The following SON variants were observed in gnomAD, a reference collection of about 807,000 sequenced individuals.
SON encodes the protein protein SON.
SON carries 4 observed loss-of-function variants against 173.3 expected under a neutral mutation model. The observed-to-expected ratio is 0.02, with a 90% CI of 0.01 to 0.05. The LOEUF is 0.05. Ranked by LOEUF, SON falls within the 10% of genes least tolerant of loss-of-function variation. SON has a pLI of 1.00. For missense variants in SON, 2,626 were observed against 3,055.3 expected (o/e 0.86, Z 3.31); for synonymous variants, 1,190 against 1,105.9 (o/e 1.08, Z -1.51).
chr21:33,568,319 C>T (rs2086214483), intron 7 of SON, among the ~76,000 whole-genome samples: 1 of 152,176 alleles, frequency 6.6e-6, no homozygotes, highest in Non-Finnish European at 1.5e-5. Context: ...ATGGAGAAAC[C>T]CTGTCTCGAC....
rs2085878936 is a variant in SON at position 33,553,753 on chromosome 21, C to T, written c.4522C>T (p.His1508Tyr). The T allele has an allele frequency of 1.2e-6, 2 of 1,614,012 alleles. No homozygotes were observed. The highest frequency in any genetic ancestry group is 1.7e-5 in the Admixed American group (1 of 60,022). Reference sequence around the variant, plus strand: ...GATTGGCATGCAGGAGATTGCATTGCATTCAGGTGAAGAACCACATGCTGA... The same window carrying T: ...GATTGGCATGCAGGAGATTGCATTGTATTCAGGTGAAGAACCACATGCTGA... ...PEIGMQEIALHSGEEPHAEEH... is the reference protein window; with the variant it reads ...PEIGMQEIALYSGEEPHAEEH... Residue 1508 changes from histidine (H) to tyrosine (Y), a missense_variant, in exon 3 of 12, where the codon CAT (histidine) becomes TAT (tyrosine). Around this residue, in one of 13 missense-constraint regions of SON, gnomAD observed 1,006 missense variants for 895.6 expected, o/e 1.12. Coordinates refer to ENST00000356577, the MANE Select transcript of SON (RefSeq NM_138927.4).
chr21:33,554,052 A>C lies in SON; in HGVS notation c.4821A>C (p.Gly1607=). 2 of 1,614,128 alleles carry C rather than the reference A, an allele frequency of 1.2e-6. No homozygotes were observed. The highest frequency in any genetic ancestry group is 2.2e-5 in the South Asian group (2 of 91,074). ...TTGCTCTGGAACCTGATGCAACAGG[A>C]ACTAGTAAGGGTATTGAATTTACCA... is the stretch of plus-strand genomic sequence containing the variant. ...GPFALEPDAT[G]TSKGIEFTTA... Residue 1607 remains glycine (G), a synonymous_variant, in exon 3 of 12, where the codon GGA becomes GGC. Transcript: ENST00000356577.
intron 6 of SON, chr21:33,560,119 A>G: frequency 6.2e-7 from 1 of 1,612,156 alleles, no homozygotes; most frequent in Non-Finnish European, 8.5e-7. Context: ...ATAGCTCTAG[A>G]TTTTGGTGGT....
rs778562756 is a variant in SON at position 33,550,103 on chromosome 21, T to G, written c.872T>G (p.Leu291Trp). 6.2e-7 allele frequency: 1 copy of G among 1,614,184 alleles called. No homozygotes were observed. The highest frequency in any genetic ancestry group is 1.7e-5 in the Admixed American group (1 of 60,024). The change falls in exon 3 of 12, where the codon TTG becomes TGG. Residue 291 changes from leucine (L) to tryptophan (W), a missense_variant. Leu to Trp is a moderately conservative substitution (Grantham distance 61). Transcript: ENST00000356577. ...TCTCCAGAGCCATCAAAGATCATGT[T>G]GGTAGAGCCCCCAGTAGCAAAAGTG... ...STSPEPSKIM[L>W]VEPPVAKVLE...
intron 9 of SON, among the ~76,000 whole-genome samples, chr21:33,574,721 A>G (rs2086361303): frequency 6.6e-6 from 1 of 152,224 alleles, no homozygotes; most frequent in African/African-American, 2.4e-5. Context: ...TCTGGTCCCA[A>G]GCATTTTGGA....
In SON at chr21:33,550,434, A is replaced by G. The variant is rs1601259307; in HGVS notation, c.1203A>G (p.Pro401=). ...MPELQGPPVT[P]VLELPGPSAT... is the part of the protein sequence containing the mutation. Reference sequence around the variant, plus strand: ...AGTTGCAGGGGCCCCCTGTGACTCCAGTGCTGGAGTTACCTGGGCCCTCTG... The same window carrying G: ...AGTTGCAGGGGCCCCCTGTGACTCCGGTGCTGGAGTTACCTGGGCCCTCTG... Residue 401 remains proline (P), a synonymous_variant, in exon 3 of 12, where the codon CCA becomes CCG. Transcript: ENST00000356577. 1 of 1,613,936 alleles carries G rather than the reference A, an allele frequency of 6.2e-7. No homozygotes were observed. Among genetic ancestry groups the G allele is most frequent in the East Asian group, 2.2e-5 (1 of 44,860 alleles).
Position 33,554,602 on chromosome 21 carries a change from G to A in SON, c.5371G>A (p.Glu1791Lys), listed in dbSNP as rs762436583. Residue 1791 changes from glutamate (E) to lysine (K), a missense_variant, in exon 3 of 12, where the codon GAA (glutamate) becomes AAA (lysine). This residue lies in a region of SON where 1,006 missense variants were observed against 895.6 expected (regional missense o/e 1.12). Coordinates refer to ENST00000356577, the MANE Select transcript of SON (RefSeq NM_138927.4). ...ESSSEEKDDY[E>K]IFVKVKDTHE... ...TTCTTCAGAGGAAAAAGATGATTAT[G>A]AAATTTTTGTAAAAGTTAAGGACAC... 12 of 1,613,832 alleles carry A rather than the reference G, an allele frequency of 7.4e-6. No individual in the cohort carries two copies. Among genetic ancestry groups the A allele is most frequent in the Non-Finnish European group, 1.0e-5 (12 of 1,180,002 alleles).
Position 33,559,888 on chromosome 21 carries a change from A to G in SON, c.6657+113A>G, listed in dbSNP as rs773269847. On this transcript the variant is annotated intron_variant, in intron 6 of 11. Transcript: ENST00000356577. The surrounding 1 kb of genome is among the most constrained non-coding windows in gnomAD (Gnocchi z 4.1). ...TTCACTCTTCTTAGGGCCGGGTTAA[A>G]CGGCAGGGCCGGGTTAGACGACAGA... is the stretch of plus-strand genomic sequence containing the variant. 15 of 1,606,868 alleles carry G rather than the reference A, an allele frequency of 9.3e-6. No individual in the cohort carries two copies. The African/African-American group carries it at 2.0e-4, about 21-fold the overall frequency.
chr21:33,562,637 A>G (rs1267914290), intron 6 of SON, among the ~76,000 whole-genome samples: 2 of 152,242 alleles, frequency 1.3e-5, no homozygotes, highest in African/African-American at 4.8e-5. Context: ...CGGTACTGCC[A>G]TAGCATCGTC....
chr21:33,557,045 G>A lies in SON; in HGVS notation c.6161-111G>A, dbSNP rs375500326. ...TTTTTCTTTTTTGTTAGATACCCAA[G>A]TTCTTCGATGGATCTAGGATGCCTT... On this transcript the variant is annotated intron_variant, in intron 3 of 11. Transcript: ENST00000356577. The A allele has an allele frequency of 2.7e-4, 224 of 816,656 alleles. 2 individuals carry two copies. In the East Asian group the frequency reaches 5.4e-3, roughly 20 times the overall value. The allele number at this position is 816,656 out of a possible 1,614,324, so 50.6% of individuals were successfully genotyped here.
intron 1 of SON, chr21:33,543,507 A>C: frequency 3.4e-6 from 1 of 290,694 alleles, no homozygotes; most frequent in Non-Finnish European, 6.6e-6. Flanking sequence ...TTCCTTCCTC[A>C]GCTCCTCCTC....
intron 7 of SON, among the ~76,000 whole-genome samples, chr21:33,568,661 G>C (rs950313581): frequency 2.0e-5 from 3 of 152,208 alleles, no homozygotes; most frequent in Non-Finnish European, 4.4e-5. Context: ...TAGGAAGGGA[G>C]GGTGGGGACC....
rs1324279986 is a variant in SON at position 33,554,304 on chromosome 21, A to G, written c.5073A>G (p.Thr1691=). The change falls in exon 3 of 12, where the codon ACA becomes ACG. Residue 1691 remains threonine (T), a synonymous_variant. Transcript: ENST00000356577. The part of the protein sequence containing the change: ...EPLPVKESDQ[T]LAALLSPKES... ...TACCTGTAAAAGAGAGTGACCAGAC[A>G]TTAGCAGCTCTGCTCAGCCCTAAAG... 2 of 1,614,182 alleles carry G rather than the reference A, an allele frequency of 1.2e-6. No homozygotes were observed. The highest frequency in any genetic ancestry group is 1.7e-5 in the Admixed American group (1 of 60,026).
At chr21:33,564,434 T>C (rs2086125817) in intron 6 of SON, among the ~76,000 whole-genome samples, 1 of 152,216 alleles carries the variant, frequency 6.6e-6, no homozygotes, top group South Asian at 2.1e-4. Flanking sequence ...GTATTGGCTT[T>C]TTATGCCTCA....
rs780193414 is a variant in SON, at chr21:33,551,243, A to C, written c.2012A>C (p.Gln671Pro). ...TSELSTMTVS[Q>P]SLEVPSTTAL... ...GAGCTGTCAACGATGACCGTGTCGC[A>C]GTCCCTGGAGGTGCCCTCGACGACA... is the stretch of plus-strand genomic sequence containing the variant. Residue 671 changes from glutamine to proline, a missense_variant, in exon 3 of 12, where the codon CAG (glutamine) becomes CCG (proline). Physicochemically the swap from Gln to Pro is moderately conservative, Grantham distance 76 (BLOSUM62 -1). Around this residue, in one of 13 missense-constraint regions of SON, gnomAD observed 182 missense variants for 193.6 expected, o/e 0.94. Transcript: ENST00000356577. 9 of 1,613,918 alleles carry C rather than the reference A, an allele frequency of 5.6e-6. No individual in the cohort carries two copies. The highest frequency in any genetic ancestry group is 5.9e-6 in the Non-Finnish European group (7 of 1,179,964).
chr21:33,554,514 T>C lies in SON; in HGVS notation c.5283T>C (p.Val1761=). The part of the protein sequence containing the change: ...GIEGPLLASD[V]GRDRSAASPV... ...AAGGACCTTTACTTGCAAGTGATGT[T>C]GGACGTGACAGATCTGCTGCCAGCC... Residue 1761 remains valine, a synonymous_variant, in exon 3 of 12, where the codon GTT becomes GTC. Transcript: ENST00000356577. 1.9e-6 allele frequency: 3 copies of C among 1,614,144 alleles called. No individual in the cohort carries two copies. Among genetic ancestry groups the C allele is most frequent in the Non-Finnish European group, 2.5e-6 (3 of 1,180,034 alleles).
chr21:33,569,414 C>T, intron 8 of SON: 1 of 344,516 alleles, frequency 2.9e-6, no homozygotes, highest in South Asian at 2.5e-5. Flanking sequence ...TGCTGGACTA[C>T]TAACCTAATC....
rs2086421881 is a variant in SON, at chr21:33,577,236, T to A, written c.*812T>A. On this transcript the variant is annotated 3_prime_UTR_variant, in exon 12 of 12. Coordinates refer to ENST00000356577, the MANE Select transcript of SON (RefSeq NM_138927.4). ...GAGTTGTGATATAGTTTTACTTTGA[T>A]GTGCATTTTGAATTTCAGCTACACC... 12 of 152,540 alleles carry A rather than the reference T, an allele frequency of 7.9e-5. 1 individual carries two copies. The highest frequency in any genetic ancestry group is 7.8e-4 in the Admixed American group (12 of 15,292). The allele number at this position is 152,540 out of a possible 1,614,324, so 9.4% of individuals were successfully genotyped here.
chr21:33,572,535 T>C (rs2086307174), intron 8 of SON: 1 of 1,301,234 alleles, frequency 7.7e-7, no homozygotes, highest in African/African-American at 1.5e-5. Flanking sequence ...CCCCTCTGTA[T>C]GGAAACTTGT....
Sources: allele counts gnomAD v4.1 joint callset (sites outside exome capture counted in the v4.1 genomes callset), GRCh38; gene constraint gnomAD v4.1.1; regional missense constraint gnomAD v4.1.1; non-coding constraint Gnocchi (gnomAD v3.1); transcripts MANE v1.5; gene names NCBI Gene and HGNC (gene_info 2026-07-23, HGNC 2026-07-21).